Variants in RNF220 observed in about 807,000 individuals in gnomAD.
The protein encoded by RNF220 is ring finger protein 220.
RNF220 carries 7 observed loss-of-function variants against 67.1 expected under a neutral mutation model. That is an observed-to-expected ratio of 0.10 (90% CI 0.06 to 0.20). The LOEUF (loss-of-function observed/expected upper bound fraction) is 0.20, where lower values mean the gene tolerates loss of function less well. Ranked by LOEUF, RNF220 falls within the 10% of genes least tolerant of loss-of-function variation. The pLI, the probability that RNF220 is intolerant of heterozygous loss-of-function variation, is 1.00. For missense variants in RNF220, 565 were observed against 740.3 expected (o/e 0.76, Z 2.75); for synonymous variants, 270 against 283.2 (o/e 0.95, Z 0.47).
At chr1:44,490,342 C>T (rs563849245) in intron 2 of RNF220, among the ~76,000 whole-genome samples, 64 of 151,852 alleles carry the variant, frequency 4.2e-4, no homozygotes, top group African/African-American at 1.0e-3. Context: ...TGGTGGCGAG[C>T]GCCTGTAATC....
intron 1 of RNF220, among the ~76,000 whole-genome samples, chr1:44,407,752 G>C (rs1647526910): frequency 6.6e-6 from 1 of 152,170 alleles, no homozygotes; most frequent in Non-Finnish European, 1.5e-5. Flanking sequence ...CGGCAGCCCC[G>C]CGCCGGTCCG....
intron 2 of RNF220, among the ~76,000 whole-genome samples, chr1:44,578,266 A>T (rs555320295): frequency 8.3e-4 from 123 of 148,652 alleles, no homozygotes; most frequent in Middle Eastern, 3.7e-3. Flanking sequence ...CTCTGACCTC[A>T]GCCTCCCAAG....
chr1:44,560,903 T>A (rs891226120), intron 2 of RNF220, among the ~76,000 whole-genome samples: 1 of 152,034 alleles, frequency 6.6e-6, no homozygotes, highest in Non-Finnish European at 1.5e-5. Flanking sequence ...GCCAGGCCTG[T>A]ACATGCACCA....
At chr1:44,557,134 T>A (rs1427343069) in intron 2 of RNF220, among the ~76,000 whole-genome samples, 4 of 147,242 alleles carry the variant, frequency 2.7e-5, no homozygotes, top group Admixed American at 2.1e-4. Flanking sequence ...TATATATATT[T>A]TATATACGTA....
intron 2 of RNF220, among the ~76,000 whole-genome samples, chr1:44,484,744 G>A (rs966740951): frequency 6.6e-6 from 1 of 152,136 alleles, no homozygotes; most frequent in Non-Finnish European, 1.5e-5. Flanking sequence ...TGGTAAGCAC[G>A]AATGCCCTAA....
intron 2 of RNF220, among the ~76,000 whole-genome samples, chr1:44,569,698 C>A (rs1296135697): frequency 6.6e-6 from 1 of 152,108 alleles, no homozygotes; most frequent in Non-Finnish European, 1.5e-5. Context: ...ACACTACCTG[C>A]TGAGAAGCCA....
intron 2 of RNF220, among the ~76,000 whole-genome samples, chr1:44,487,672 AAATAATAATAAT>A (rs537638294): frequency 0.081 from 11,502 of 142,466 alleles, 531 homozygotes; most frequent in African/African-American, 0.13. Context: ...ATCTCTACTA[AAATAATAATAAT>A]AATAATAATA....
At chr1:44,480,838 A>G (rs559324751) in intron 2 of RNF220, among the ~76,000 whole-genome samples, 17 of 152,262 alleles carry the variant, frequency 1.1e-4, no homozygotes, top group Non-Finnish European at 2.4e-4. Flanking sequence ...GTGAGCTGAG[A>G]TTGTAACACT....
chr1:44,563,270 T>A (rs914211318), intron 2 of RNF220, among the ~76,000 whole-genome samples: 23 of 151,778 alleles, frequency 1.5e-4, no homozygotes, highest in African/African-American at 5.3e-4. Context: ...GAGCTGAGCC[T>A]CCTCTAACTG....
chr1:44,610,807 A>G (rs1293103012), intron 2 of RNF220, among the ~76,000 whole-genome samples: 4 of 152,194 alleles, frequency 2.6e-5, no homozygotes, highest in Non-Finnish European at 4.4e-5. Context: ...AGGAAGAGCC[A>G]GAGGATGCTT....
At chr1:44,584,369 A>G (rs543300449) in intron 2 of RNF220, among the ~76,000 whole-genome samples, 20 of 152,338 alleles carry the variant, frequency 1.3e-4, no homozygotes, top group Admixed American at 7.8e-4. Flanking sequence ...CCTCTTTTAT[A>G]GCCCTTGTCA....
intron 2 of RNF220, among the ~76,000 whole-genome samples, chr1:44,608,086 G>T (rs1667408592): frequency 6.6e-6 from 1 of 151,994 alleles, no homozygotes; most frequent in Non-Finnish European, 1.5e-5. Flanking sequence ...ACCACAGCTG[G>T]CTAATTTTTT....
At chr1:44,533,810 A>C (rs375388835) in intron 2 of RNF220, among the ~76,000 whole-genome samples, 1 of 152,236 alleles carries the variant, frequency 6.6e-6, no homozygotes, top group Non-Finnish European at 1.5e-5. Context: ...AAGCATTCTA[A>C]GTAGAGGGAT....
Position 44,427,972 on chromosome 1 carries a change from T to C in RNF220, c.625+15250T>C, listed in dbSNP as rs1485401133. On this transcript the variant is annotated intron_variant, in intron 2 of 14. Transcript: ENST00000361799. ...GTGACTCCAGCAAGCCCTGAACTCT[T>C]ATAAGTCTGTGCAGTTTATGACAAG... 2.0e-5 allele frequency among the ~76,000 whole-genome samples: 3 copies of C among 152,320 alleles called. No individual in the cohort carries two copies. In the East Asian group the frequency reaches 5.8e-4, roughly 29 times the overall value.
At chr1:44,540,836 A>G (rs1188848393) in intron 2 of RNF220, among the ~76,000 whole-genome samples, 3 of 152,168 alleles carry the variant, frequency 2.0e-5, no homozygotes, top group Admixed American at 2.0e-4. Flanking sequence ...GGGACCAAGA[A>G]AGACCAAACT....
intron 2 of RNF220, among the ~76,000 whole-genome samples, chr1:44,501,828 T>C (rs142794640): frequency 4.6e-5 from 7 of 152,140 alleles, no homozygotes; most frequent in Non-Finnish European, 7.4e-5. Flanking sequence ...TTTTCTCCGC[T>C]CTTACCCTCT....
chr1:44,558,731 A>C (rs1663322716), intron 2 of RNF220, among the ~76,000 whole-genome samples: 1 of 152,166 alleles, frequency 6.6e-6, no homozygotes, highest in Non-Finnish European at 1.5e-5. Flanking sequence ...CTTACTCCAA[A>C]GCCTGTGTTT....
At chr1:44,406,535 T>C (rs1028433457) in intron 1 of RNF220, among the ~76,000 whole-genome samples, 1 of 152,238 alleles carries the variant, frequency 6.6e-6, no homozygotes, top group East Asian at 1.9e-4. Context: ...CAATTTCTCT[T>C]CTGACTTAAG....
At position 44,650,656 on chromosome 1, in the gene RNF220, A is replaced by G. The variant is rs1413775372; in HGVS notation, c.1630-48A>G. On this transcript the variant is annotated intron_variant, in intron 14 of 14. Coordinates refer to ENST00000361799, the MANE Select transcript of RNF220 (RefSeq NM_018150.4). The surrounding 1 kb of genome is among the most constrained non-coding windows in gnomAD (Gnocchi z 4.3). ...TGCAGGCCCAGGTGCTCACATGCGC[A>G]CACATGGCTCATTGTGTAGACCAGA... 1.3e-6 allele frequency: 2 copies of G among 1,597,632 alleles called. No homozygotes were observed. The highest frequency in any genetic ancestry group is 2.2e-5 in the South Asian group (2 of 90,764).
Sources: gnomAD v4.1 joint callset for allele counts (sites outside exome capture counted in the v4.1 genomes callset) on GRCh38, gnomAD v4.1.1 for gene constraint, Gnocchi (gnomAD v3.1) non-coding constraint, MANE v1.5 for transcripts, NCBI Gene and HGNC (gene_info 2026-07-23, HGNC 2026-07-21) for gene names.